The following PPARGC1A variants were observed in gnomAD, a reference collection of about 807,000 sequenced individuals.
PPARGC1A encodes peroxisome proliferator-activated receptor gamma coactivator 1-alpha.
PPARGC1A carries 25 observed loss-of-function variants against 88.7 expected under a neutral mutation model. That is an observed-to-expected ratio of 0.28 (90% CI 0.21 to 0.39). The LOEUF (loss-of-function observed/expected upper bound fraction) is 0.39, where lower values mean the gene tolerates loss of function less well. Ranked by LOEUF, PPARGC1A falls within the 10% of genes least tolerant of loss-of-function variation. PPARGC1A has a pLI of 1.00. For missense variants in PPARGC1A, 880 were observed against 968.7 expected (o/e 0.91, Z 1.22); for synonymous variants, 363 against 355.6 (o/e 1.02, Z -0.24).
At chr4:24,077,165 C>A in the PPARGC1A span, among the ~76,000 whole-genome samples, 1 of 152,220 alleles carries the variant, frequency 6.6e-6, no homozygotes, top group East Asian at 1.9e-4. Flanking sequence ...CATTCTAGTG[C>A]TCCCCTTTGC....
chr4:24,216,166 G>A, the PPARGC1A span, among the ~76,000 whole-genome samples: 1 of 48,664 alleles, frequency 2.1e-5, no homozygotes, highest in African/African-American at 7.8e-5. Flanking sequence ...TTTTTTTTTT[G>A]AGACAGAGTC....
At chr4:24,188,297 G>A in the PPARGC1A span, among the ~76,000 whole-genome samples, 2 of 151,930 alleles carry the variant, frequency 1.3e-5, no homozygotes, top group Non-Finnish European at 2.9e-5. Flanking sequence ...CCTAATAACC[G>A]GTGCAGTAGG....
the PPARGC1A span, among the ~76,000 whole-genome samples, chr4:23,931,432 G>A: frequency 3.3e-5 from 5 of 151,994 alleles, no homozygotes; most frequent in South Asian, 2.1e-4. Flanking sequence ...TCCCCGCCCT[G>A]ACTTTTTTTT....
At chr4:24,078,406 T>C in the PPARGC1A span, among the ~76,000 whole-genome samples, 418 of 152,264 alleles carry the variant, frequency 2.7e-3, 5 homozygotes, top group East Asian at 0.052. Context: ...GGTCTCACTC[T>C]TTAGTAAACA....
rs1374095237 is a variant in PPARGC1A at position 23,793,877 on chromosome 4, G to A, written c.*1945C>T. ...AACCTGACAATTGTCATGCATCCTA[G>A]GTAGAAAATTTCCACTGGCTTTATT... On this transcript the variant is annotated 3_prime_UTR_variant, in exon 13 of 13. Transcript: ENST00000264867. 1 of 152,342 alleles carries A rather than the reference G, an allele frequency of 6.6e-6. No individual in the cohort carries two copies. The highest frequency in any genetic ancestry group is 1.5e-5 in the Non-Finnish European group (1 of 67,998). 9.4% of individuals were successfully genotyped at this position (152,342 alleles called of 1,614,324 possible).
At chr4:24,204,652 C>T in the PPARGC1A span, among the ~76,000 whole-genome samples, 19 of 151,934 alleles carry the variant, frequency 1.3e-4, no homozygotes, top group Admixed American at 3.9e-4. Flanking sequence ...AGAGTGAGTG[C>T]CAAAGGCATC....
chr4:24,344,034 T>C, the PPARGC1A span, among the ~76,000 whole-genome samples: 1 of 152,138 alleles, frequency 6.6e-6, no homozygotes, highest in Non-Finnish European at 1.5e-5. Context: ...AGAATAATAG[T>C]CTCCAATCTC....
At chr4:24,011,331 C>T in the PPARGC1A span, among the ~76,000 whole-genome samples, 3 of 152,110 alleles carry the variant, frequency 2.0e-5, no homozygotes, top group Non-Finnish European at 4.4e-5. Context: ...GGAAACAAGA[C>T]AGCCCCAATT....
chr4:24,420,889 G>A, the PPARGC1A span, among the ~76,000 whole-genome samples: 1 of 152,148 alleles, frequency 6.6e-6, no homozygotes, highest in Non-Finnish European at 1.5e-5. Flanking sequence ...CAAAGCACCA[G>A]CAGATATGGT....
At chr4:23,990,699 C>G in the PPARGC1A span, among the ~76,000 whole-genome samples, 3 of 151,864 alleles carry the variant, frequency 2.0e-5, no homozygotes, top group Non-Finnish European at 4.4e-5. Context: ...CGTGGGGTTT[C>G]TGGAAGCATC....
the PPARGC1A span, among the ~76,000 whole-genome samples, chr4:24,078,104 AT>A: frequency 0.52 from 77,562 of 150,024 alleles, 20,210 homozygotes; most frequent in Non-Finnish European, 0.55. Context: ...GTTTCCTCAA[AT>A]TTTTTTTTTT....
the PPARGC1A span, among the ~76,000 whole-genome samples, chr4:24,332,111 T>G: frequency 0.067 from 3,703 of 55,476 alleles, 120 homozygotes; most frequent in African/African-American, 0.17. Flanking sequence ...GAACAGTGGG[T>G]TTTTTTTTGT....
the PPARGC1A span, among the ~76,000 whole-genome samples, chr4:24,457,294 G>C: frequency 6.6e-6 from 1 of 152,050 alleles, no homozygotes; most frequent in Non-Finnish European, 1.5e-5. Flanking sequence ...AGACGTTGTT[G>C]AAAAAAATTA....
the PPARGC1A span, among the ~76,000 whole-genome samples, chr4:24,223,730 G>C: frequency 1.3e-5 from 2 of 152,126 alleles, no homozygotes; most frequent in Admixed American, 6.5e-5. Context: ...ATTAAAAATA[G>C]TAACTATGGA....
At chr4:23,871,983 A>G (rs1713472948) in intron 2 of PPARGC1A, among the ~76,000 whole-genome samples, 1 of 152,108 alleles carries the variant, frequency 6.6e-6, no homozygotes, top group Non-Finnish European at 1.5e-5. Context: ...CTTCCTGCAC[A>G]TGCCTCTCCC....
the PPARGC1A span, among the ~76,000 whole-genome samples, chr4:23,957,900 T>G: frequency 6.6e-6 from 1 of 152,214 alleles, no homozygotes; most frequent in South Asian, 2.1e-4. Context: ...CCTGGAATGT[T>G]GACAAAAAGA....
the PPARGC1A span, among the ~76,000 whole-genome samples, chr4:24,084,692 T>C: frequency 1.3e-5 from 2 of 152,176 alleles, no homozygotes; most frequent in African/African-American, 4.8e-5. Context: ...ATGAATCTGA[T>C]ATTTGAATCT....
the PPARGC1A span, among the ~76,000 whole-genome samples, chr4:24,358,350 T>C: frequency 6.6e-6 from 1 of 152,244 alleles, no homozygotes; most frequent in Admixed American, 6.5e-5. Context: ...CTCCATTTTA[T>C]AGATGTGATA....
At chr4:23,833,037 C>T (rs1560402830) in intron 2 of PPARGC1A, among the ~76,000 whole-genome samples, 1 of 152,148 alleles carries the variant, frequency 6.6e-6, no homozygotes, top group South Asian at 2.1e-4. Flanking sequence ...TTTTGAACAT[C>T]TACTCTGTGC....
Sources: allele counts gnomAD v4.1 joint callset (sites outside exome capture counted in the v4.1 genomes callset), GRCh38; gene constraint gnomAD v4.1.1; transcripts MANE v1.5; gene names NCBI Gene and HGNC (gene_info 2026-07-23, HGNC 2026-07-21).